The following RRAS2 variants were observed in gnomAD, a reference collection of about 807,000 sequenced individuals.
RRAS2 encodes ras-related protein R-Ras2.
Under a neutral mutation model 27.6 loss-of-function variants are expected in RRAS2, and 7 were observed. That is an observed-to-expected ratio of 0.25 (90% CI 0.14 to 0.48). The LOEUF is 0.48. Among genes scored for constraint, RRAS2 ranks in the 20% least tolerant of loss-of-function variants. The probability of loss-of-function intolerance (pLI) is 0.99; values close to 1 mark genes in which losing one functional copy is unlikely to be tolerated. For missense variants in RRAS2, 178 were observed against 256.2 expected, an observed-to-expected ratio of 0.69 and a Z score of 2.08; for synonymous variants, 86 against 90.9, an observed-to-expected ratio of 0.95 and a Z score of 0.31.
In RRAS2 at chr11:14,358,802, G is replaced by GC; in HGVS notation, c.68dup (p.Gly24ArgfsTer21). ...TGGTGAGCGCCGACTTGCCCACGCC[G>GC]CCCCCGCCGACCACCACGAGCCGGT... On this transcript the variant is annotated frameshift_variant, in exon 1 of 6. Coordinates refer to ENST00000256196, the MANE Select transcript of RRAS2 (RefSeq NM_012250.6). LOFTEE classifies it high-confidence loss of function. The surrounding 1 kb of genome is among the most constrained non-coding windows in gnomAD (Gnocchi z 5.1). 3 of 1,486,654 alleles carry GC rather than the reference G, an allele frequency of 2.0e-6. No homozygotes were observed. Among genetic ancestry groups the GC allele is most frequent in the South Asian group, 1.2e-5 (1 of 82,118 alleles). 92.1% of individuals were successfully genotyped at this position (1,486,654 alleles called of 1,614,324 possible).
chr11:14,345,626 C>G (rs1253201708), intron 1 of RRAS2, among the ~76,000 whole-genome samples: 1 of 152,192 alleles, frequency 6.6e-6, no homozygotes, highest in African/African-American at 2.4e-5. Context: ...TTCCACTTGC[C>G]TCACTGCAGA....
At chr11:14,282,219 T>C (rs1294531163) in intron 4 of RRAS2, among the ~76,000 whole-genome samples, 1 of 152,120 alleles carries the variant, frequency 6.6e-6, no homozygotes, top group Non-Finnish European at 1.5e-5. Context: ...ATAGCTGGAA[T>C]ACATTAAGCA....
chr11:14,286,026 C>T (rs941647137), intron 4 of RRAS2, among the ~76,000 whole-genome samples: 2 of 152,170 alleles, frequency 1.3e-5, no homozygotes. Context: ...TAATCCCATC[C>T]AGTGCATTTT....
At chr11:14,345,179 T>C (rs1362160165) in intron 1 of RRAS2, among the ~76,000 whole-genome samples, 1 of 151,428 alleles carries the variant, frequency 6.6e-6, no homozygotes, top group Non-Finnish European at 1.5e-5. Flanking sequence ...AGAGACGAGG[T>C]TTCACCATGT....
chr11:14,313,987 ATTATG>A (rs1554949211), intron 1 of RRAS2, among the ~76,000 whole-genome samples: 2 of 152,218 alleles, frequency 1.3e-5, no homozygotes, highest in Non-Finnish European at 1.5e-5. Context: ...TTTTTAATTT[ATTATG>A]TTATAAAACA....
chr11:14,309,773 T>C (rs191466895), intron 1 of RRAS2, among the ~76,000 whole-genome samples: 5 of 152,272 alleles, frequency 3.3e-5, no homozygotes, highest in Admixed American at 2.6e-4. Flanking sequence ...GAGTGGTTAA[T>C]GAGTTCAGAA....
At chr11:14,299,305 A>C (rs1847637175) in intron 1 of RRAS2, among the ~76,000 whole-genome samples, 2 of 152,178 alleles carry the variant, frequency 1.3e-5, no homozygotes, top group Non-Finnish European at 2.9e-5. Context: ...TGGTATCCAA[A>C]CGTTGTGAAT....
At chr11:14,311,630 G>A (rs1847970002) in intron 1 of RRAS2, among the ~76,000 whole-genome samples, 1 of 151,988 alleles carries the variant, frequency 6.6e-6, no homozygotes, top group Admixed American at 6.6e-5. Context: ...GCCTCCCAAA[G>A]TGTTGGGATT....
chr11:14,311,232 T>C (rs1321023582), intron 1 of RRAS2, among the ~76,000 whole-genome samples: 11 of 152,144 alleles, frequency 7.2e-5, no homozygotes, highest in Admixed American at 6.5e-4. Context: ...ATAATCCAGC[T>C]ACTCTGGAGG....
chr11:14,358,741 C>T lies in RRAS2; in HGVS notation c.108+22G>A. On this transcript the variant is annotated intron_variant, in intron 1 of 5. Coordinates refer to ENST00000256196, the MANE Select transcript of RRAS2 (RefSeq NM_012250.6). This position sits in a 1 kb window ranked among gnomAD's most constrained non-coding sequence, Gnocchi z 5.1. ...CCCGCCCGCCGCCGCTCCGGCGCCCCGGGCAGGCCCGCTCCAGGTACCTGG... is the reference window on the plus strand; with the variant it reads ...CCCGCCCGCCGCCGCTCCGGCGCCCTGGGCAGGCCCGCTCCAGGTACCTGG... 7.6e-7 allele frequency: 1 copy of T among 1,308,156 alleles called. No homozygotes were observed. The allele number at this position is 1,308,156 out of a possible 1,614,324, so 81.0% of individuals were successfully genotyped here. A position where few individuals can be genotyped will look rare whatever the true frequency, so the allele number is the denominator to read the frequency against.
At chr11:14,310,965 A>C (rs915425773) in intron 1 of RRAS2, among the ~76,000 whole-genome samples, 3 of 152,230 alleles carry the variant, frequency 2.0e-5, no homozygotes, top group Non-Finnish European at 4.4e-5. Flanking sequence ...GAGGAAATCA[A>C]AACAGTGTGT....
At chr11:14,316,391 T>C (rs1281775639) in intron 1 of RRAS2, among the ~76,000 whole-genome samples, 3 of 152,220 alleles carry the variant, frequency 2.0e-5, no homozygotes, top group East Asian at 3.8e-4. Context: ...TAACTATGTA[T>C]ATTAGCATTT....
intron 4 of RRAS2, among the ~76,000 whole-genome samples, chr11:14,284,734 T>G (rs984148876): frequency 6.6e-6 from 1 of 152,216 alleles, no homozygotes; most frequent in African/African-American, 2.4e-5. Context: ...TTTATCATTA[T>G]ATAACACTCT....
chr11:14,308,373 T>C (rs1049033801), intron 1 of RRAS2: 3 of 396,414 alleles, frequency 7.6e-6, no homozygotes, highest in African/African-American at 6.4e-5. Flanking sequence ...TAGTCCCAGC[T>C]ATACAAACAA....
rs1415452446 is a variant in RRAS2 at position 14,302,109 on chromosome 11, C to CACACACACACACACACACAT, written c.109-6255_109-6254insATGTGTGTGTGTGTGTGTGT. Among the ~76,000 whole-genome samples, 170 of 139,016 alleles carry CACACACACACACACACACAT rather than the reference C, an allele frequency of 1.2e-3. 4 individuals carry two copies. Among genetic ancestry groups the CACACACACACACACACACAT allele is most frequent in the Non-Finnish European group, 2.1e-3 (132 of 62,400 alleles). The allele number at this position is 139,016 out of a possible 152,430, so 91.2% of individuals were successfully genotyped here. ...ACACACACACACACACACACACACA[C>CACACACACACACACACACAT]ACCAAAAACCAAGACTAACAAATTT... On this transcript the variant is annotated intron_variant, in intron 1 of 5. Coordinates refer to ENST00000256196, the MANE Select transcript of RRAS2 (RefSeq NM_012250.6).
At chr11:14,357,729 T>C (rs911505287) in intron 1 of RRAS2, among the ~76,000 whole-genome samples, 4 of 152,100 alleles carry the variant, frequency 2.6e-5, no homozygotes, top group African/African-American at 4.8e-5. Context: ...CAGACAAAAA[T>C]ATTTCACCGT....
intron 4 of RRAS2, among the ~76,000 whole-genome samples, chr11:14,289,603 C>T (rs1849754108): frequency 6.6e-6 from 1 of 152,204 alleles, no homozygotes; most frequent in Admixed American, 6.5e-5. Context: ...TAAACAACCA[C>T]TCAAATTCTA....
At chr11:14,299,320 A>G (rs1379541572) in intron 1 of RRAS2, among the ~76,000 whole-genome samples, 1 of 152,182 alleles carries the variant, frequency 6.6e-6, no homozygotes, top group African/African-American at 2.4e-5. Flanking sequence ...GTGAATCAAG[A>G]CAAAAGCTGG....
chr11:14,312,166 GA>G (rs1591463576), intron 1 of RRAS2, among the ~76,000 whole-genome samples: 1 of 151,992 alleles, frequency 6.6e-6, no homozygotes, highest in East Asian at 1.9e-4. Flanking sequence ...TGCCCGGCCT[GA>G]AAAACTCTTA....
Sources: allele counts gnomAD v4.1 joint callset (sites outside exome capture counted in the v4.1 genomes callset), GRCh38; gene constraint gnomAD v4.1.1; non-coding constraint Gnocchi (gnomAD v3.1); transcripts MANE v1.5; gene names NCBI Gene and HGNC (gene_info 2026-07-23, HGNC 2026-07-21).